Variants in ZNF782 observed in about 807,000 individuals in gnomAD.
ZNF782 encodes the protein zinc finger protein 782.
A neutral mutation model predicts 13.0 loss-of-function variants in ZNF782; 12 were observed. The ratio of observed to expected loss-of-function variants is 0.92; its 90% CI spans 0.59 to 1.50. The LOEUF (loss-of-function observed/expected upper bound fraction) is 1.50. ZNF782 is among the 40% of genes most tolerant of loss of function. The probability of loss-of-function intolerance (pLI) is 0.00; values close to 1 mark genes in which losing one functional copy is unlikely to be tolerated. For missense variants in ZNF782, 770 were observed against 822.9 expected (o/e 0.94, Z 0.79); for synonymous variants, 284 against 283.0 (o/e 1.00, Z -0.04).
chr9:96,866,294 C>T (rs886174631), intron 1 of ZNF782, among the ~76,000 whole-genome samples: 1 of 152,150 alleles, frequency 6.6e-6, no homozygotes, highest in East Asian at 1.9e-4. Flanking sequence ...GAACTTGGCG[C>T]CCTGTGTCCC....
chr9:96,834,459 T>C (rs2118574933), intron 4 of ZNF782, among the ~76,000 whole-genome samples: 1 of 152,328 alleles, frequency 6.6e-6, no homozygotes, highest in East Asian at 1.9e-4. Context: ...AAGAATGGAC[T>C]AATACACCAT....
chr9:96,841,188 C>T (rs1018815027), intron 4 of ZNF782, among the ~76,000 whole-genome samples: 1 of 151,760 alleles, frequency 6.6e-6, no homozygotes, highest in Non-Finnish European at 1.5e-5. Context: ...AGCAAAAATA[C>T]CACAATTCAC....
the ZNF782 span, among the ~76,000 whole-genome samples, chr9:96,901,575 T>TA: frequency 1.1e-4 from 17 of 152,030 alleles, no homozygotes; most frequent in Non-Finnish European, 2.5e-4. Context: ...CCCAGCCTGA[T>TA]AAAAAAACTT....
chr9:96,829,087 CAAAA>C (rs145314809), intron 4 of ZNF782, among the ~76,000 whole-genome samples: 1 of 60,236 alleles, frequency 1.7e-5, no homozygotes, highest in Admixed American at 1.9e-4. Flanking sequence ...TGTTTCAGAC[CAAAA>C]AAAAAAAAAA....
At chr9:96,925,766 C>T in the ZNF782 span, among the ~76,000 whole-genome samples, 1 of 148,712 alleles carries the variant, frequency 6.7e-6, no homozygotes, top group South Asian at 2.1e-4. Flanking sequence ...CATGATGACG[C>T]TGAAGAGCCT....
the ZNF782 span, among the ~76,000 whole-genome samples, chr9:96,901,609 T>C: frequency 6.6e-6 from 1 of 151,986 alleles, no homozygotes; most frequent in African/African-American, 2.4e-5. Context: ...TTAAGGTTCC[T>C]AGGGCTGGTT....
intron 4 of ZNF782, among the ~76,000 whole-genome samples, chr9:96,834,072 G>A (rs575339295): frequency 7.9e-5 from 12 of 152,154 alleles, no homozygotes; most frequent in African/African-American, 1.7e-4. Context: ...GTTCGGTCAC[G>A]GGGCTGGATC....
chr9:96,821,997 T>G (rs145745991), intron 5 of ZNF782, among the ~76,000 whole-genome samples: 1,883 of 152,348 alleles, frequency 0.012, 16 homozygotes, highest in Non-Finnish European at 0.019. Flanking sequence ...GCATTAATTA[T>G]TTTATTCAGC....
chr9:96,817,994 C>T lies in ZNF782; in HGVS notation c.2029G>A (p.Asp677Asn). Reference protein sequence around the residue: ...THTGEKPYKCDKCGRTFSQKS... With the variant: ...THTGEKPYKCNKCGRTFSQKS... ...TGACTGAAAGTTCTCCCACATTTAT[C>T]ACATTTATAGGGTTTCTCCCCTGTG... The change falls in exon 6 of 6, where the codon GAT becomes AAT. Residue 677 changes from aspartate (D) to asparagine (N), a missense_variant. Asp to Asn is a conservative substitution (Grantham distance 23). Transcript: ENST00000481138. 1 of 1,608,452 alleles carries T rather than the reference C, an allele frequency of 6.2e-7. No homozygotes were observed. The highest frequency in any genetic ancestry group is 8.5e-7 in the Non-Finnish European group (1 of 1,178,234).
the ZNF782 span, among the ~76,000 whole-genome samples, chr9:96,909,293 G>A: frequency 6.6e-6 from 1 of 151,900 alleles, no homozygotes; most frequent in Non-Finnish European, 1.5e-5. Flanking sequence ...GACTGACTGT[G>A]ATTCTGATGA....
intron 1 of ZNF782, among the ~76,000 whole-genome samples, chr9:96,872,554 G>A (rs1017228588): frequency 2.0e-5 from 3 of 151,840 alleles, no homozygotes; most frequent in African/African-American, 7.3e-5. Context: ...ATTGTGACTA[G>A]TATGTTTTTA....
chr9:96,921,473 C>G, the ZNF782 span, among the ~76,000 whole-genome samples: 1 of 142,644 alleles, frequency 7.0e-6, no homozygotes, highest in Non-Finnish European at 1.5e-5. Context: ...GCAGAGGTTG[C>G]AGAGAGCCGA....
chr9:96,923,016 A>T, the ZNF782 span, among the ~76,000 whole-genome samples: 1 of 147,124 alleles, frequency 6.8e-6, no homozygotes, highest in African/African-American at 2.5e-5. Context: ...AATACATATA[A>T]ATTCAATTCT....
the ZNF782 span, among the ~76,000 whole-genome samples, chr9:96,903,556 G>GTTTTTTTTTTTT: frequency 2.7e-5 from 2 of 75,462 alleles, no homozygotes; most frequent in Non-Finnish European, 4.4e-5. Flanking sequence ...TTTTATGTTG[G>GTTTTTTTTTTTT]TTTTTTTTTT....
upstream of ZNF782, among the ~76,000 whole-genome samples, chr9:96,875,799 C>A (rs543429313): frequency 6.6e-6 from 1 of 152,252 alleles, no homozygotes; most frequent in South Asian, 2.1e-4. Flanking sequence ...CGTCCCACTT[C>A]AGGTGAGCAC....
At chr9:96,916,191 G>C in the ZNF782 span, among the ~76,000 whole-genome samples, 1 of 151,920 alleles carries the variant, frequency 6.6e-6, no homozygotes, top group Non-Finnish European at 1.5e-5. Context: ...TTGATGTCTT[G>C]TCCCAAGAAC....
chr9:96,888,932 G>C, the ZNF782 span: 1 of 152,204 alleles, frequency 6.6e-6, no homozygotes, highest in South Asian at 2.1e-4. Context: ...GCCCTGGACT[G>C]TCTCTCTCCA....
At chr9:96,897,781 C>A in the ZNF782 span, 1 of 151,716 alleles carries the variant, frequency 6.6e-6, no homozygotes, top group Non-Finnish European at 1.5e-5. Flanking sequence ...CCTGCCACCT[C>A]TTCTCCAGGG....
At chr9:96,859,991 G>A (rs780426735) in intron 3 of ZNF782, among the ~76,000 whole-genome samples, 10 of 152,172 alleles carry the variant, frequency 6.6e-5, no homozygotes, top group African/African-American at 2.4e-4. Flanking sequence ...GCAGTAATCC[G>A]CATGAGACTG....
Sources: gnomAD v4.1 joint callset for allele counts (sites outside exome capture counted in the v4.1 genomes callset) on GRCh38, gnomAD v4.1.1 for gene constraint, MANE v1.5 for transcripts, NCBI Gene and HGNC (gene_info 2026-07-23, HGNC 2026-07-21) for gene names.